The following C9 variants were observed in gnomAD, a reference collection of about 807,000 sequenced individuals.
C9 encodes the protein complement component C9.
Under a neutral mutation model 65.4 loss-of-function variants are expected in C9, and 63 were observed. The observed-to-expected ratio is 0.96, with a 90% CI of 0.79 to 1.19. C9 has a LOEUF of 1.19. Ranked by LOEUF, C9 falls within the 50% of genes most tolerant of loss-of-function variation. The probability of loss-of-function intolerance (pLI) is 0.00; values close to 1 mark genes in which losing one functional copy is unlikely to be tolerated. For synonymous variants in C9, 229 were observed against 227.9 expected (o/e 1.00, Z -0.04); for missense variants, 744 against 670.1 (o/e 1.11, Z -1.22).
intron 1 of C9, among the ~76,000 whole-genome samples, chr5:39,351,343 T>C (rs1013662608): frequency 1.3e-5 from 2 of 152,238 alleles, no homozygotes; most frequent in African/African-American, 4.8e-5. Flanking sequence ...GTCTTGGCTA[T>C]TAACATTTGG....
In C9 at chr5:39,341,644, GT is replaced by G; in HGVS notation, c.239del (p.Asp80AlafsTer34). On this transcript the variant is annotated frameshift_variant, in exon 3 of 11. Transcript: ENST00000263408. LOFTEE classifies it high-confidence loss of function. ...FGQFNGKRCT[D>X]AVGDRRQCVP... ...CACACTGTCGTCTGTCTCCCACAGC[GT>G]CGGTGCATCTTTTCCCATTAAATTG... 6.2e-7 allele frequency: 1 copy of G among 1,613,714 alleles called. No individual in the cohort carries two copies. Among genetic ancestry groups the G allele is most frequent in the South Asian group, 1.1e-5 (1 of 91,068 alleles).
chr5:39,285,408 G>C (rs565504592), intron 10 of C9, among the ~76,000 whole-genome samples, 175 bp from the exon 11 acceptor site: 107 of 152,214 alleles, frequency 7.0e-4, no homozygotes, highest in Middle Eastern at 3.4e-3. Flanking sequence ...TACCAGAAAG[G>C]GCTATTTGTC....
chr5:39,298,291 A>G (rs1753220890), intron 9 of C9, among the ~76,000 whole-genome samples: 1 of 151,610 alleles, frequency 6.6e-6, no homozygotes, highest in Non-Finnish European at 1.5e-5. Context: ...AGTACAAAGC[A>G]TAAGGAAGGA....
At chr5:39,302,314 T>C (rs994128282) in intron 9 of C9, among the ~76,000 whole-genome samples, 3 of 152,128 alleles carry the variant, frequency 2.0e-5, no homozygotes, top group Non-Finnish European at 4.4e-5. Context: ...CTACCATGTG[T>C]TGATATATTT....
intron 8 of C9, among the ~76,000 whole-genome samples, chr5:39,308,026 T>C (rs990918275): frequency 4.6e-5 from 7 of 152,228 alleles, no homozygotes; most frequent in Non-Finnish European, 8.8e-5. Flanking sequence ...AGTTGTGTAC[T>C]GTACAACTGG....
At chr5:39,344,351 T>C (rs1428750563) in intron 1 of C9, among the ~76,000 whole-genome samples, 1 of 152,212 alleles carries the variant, frequency 6.6e-6, no homozygotes, top group African/African-American at 2.4e-5. Context: ...CTGAAAACCA[T>C]GGCACGAGAA....
rs1754022305 is a variant in C9 at position 39,339,202 on chromosome 5, C to T, written c.476+1944G>A. The stretch of plus-strand genomic sequence containing the variant: ...TACTGCCTAAAATTTACTAAGAGGG[C>T]CTGCAGAACTTAGGGGCCTAAGACC... On this transcript the variant is annotated intron_variant, in intron 4 of 10. Transcript: ENST00000263408. 2.0e-5 allele frequency among the ~76,000 whole-genome samples: 3 copies of T among 152,150 alleles called. No individual in the cohort carries two copies. In the South Asian group the frequency reaches 6.2e-4, roughly 31 times the overall value.
intron 1 of C9, among the ~76,000 whole-genome samples, chr5:39,348,678 C>A (rs1478536944): frequency 7.9e-5 from 12 of 152,094 alleles, no homozygotes; most frequent in Non-Finnish European, 1.5e-4. Context: ...TGGGTATATA[C>A]CCAAAGGATT....
intron 5 of C9, among the ~76,000 whole-genome samples, chr5:39,330,078 T>A (rs1186344840): frequency 1.3e-5 from 2 of 152,182 alleles, no homozygotes; most frequent in African/African-American, 4.8e-5. Flanking sequence ...AGTCCACAAT[T>A]CCTATCTTCT....
In C9 at chr5:39,334,547, G is replaced by A. The variant is rs530546204; in HGVS notation, c.477-2733C>T. Among the ~76,000 whole-genome samples, 23 of 130,960 alleles carry A rather than the reference G, an allele frequency of 1.8e-4. 1 individual carries two copies. The highest frequency in any genetic ancestry group is 6.9e-4 in the African/African-American group (16 of 23,040). The allele number at this position is 130,960 out of a possible 152,430, so 85.9% of individuals were successfully genotyped here. On this transcript the variant is annotated intron_variant, in intron 4 of 10. Transcript: ENST00000263408. ...GGGGTCAGCCCCCGCCAGGCCAGCC[G>A]CCCCGTCCGGGAGGGAGGTGGGGGG...
chr5:39,284,929 G>A lies in C9; in HGVS notation c.*270C>T, dbSNP rs1206563035. 1.6e-5 allele frequency: 7 copies of A among 427,518 alleles called. No homozygotes were observed. Among genetic ancestry groups the A allele is most frequent in the East Asian group, 1.1e-4 (3 of 26,384 alleles). 26.5% of individuals were successfully genotyped at this position (427,518 alleles called of 1,614,324 possible). The stretch of plus-strand genomic sequence containing the variant: ...AATTTAATTTTGTTTTTTTTTAGAA[G>A]AGATTGGCATTTTCCGTGGGATAAA... On this transcript the variant is annotated 3_prime_UTR_variant, in exon 11 of 11. Transcript: ENST00000263408.
intron 1 of C9, among the ~76,000 whole-genome samples, chr5:39,358,452 T>C (rs1210683790): frequency 1.3e-5 from 2 of 152,126 alleles, no homozygotes; most frequent in African/African-American, 4.8e-5. Context: ...CAGCTCCACC[T>C]TGTAGGCCAT....
chr5:39,344,659 G>A (rs1375948217), intron 1 of C9, among the ~76,000 whole-genome samples: 1 of 152,088 alleles, frequency 6.6e-6, no homozygotes, highest in African/African-American at 2.4e-5. Flanking sequence ...TCAAGTTCAG[G>A]AAATACAGAG....
chr5:39,285,384 A>G, intron 10 of C9, 151 bp from the exon 11 acceptor site: 1 of 698,484 alleles, frequency 1.4e-6, no homozygotes. Flanking sequence ...TGTAAGGTAC[A>G]AGGCACATTT....
At chr5:39,321,254 T>C (rs1753661803) in intron 5 of C9, among the ~76,000 whole-genome samples, 3 of 152,052 alleles carry the variant, frequency 2.0e-5, no homozygotes, top group African/African-American at 7.2e-5. Context: ...TAAAAAGATG[T>C]TAATTGTGAC....
intron 4 of C9, among the ~76,000 whole-genome samples, chr5:39,333,821 C>T (rs13360841): frequency 0.028 from 4,232 of 151,708 alleles, 183 homozygotes; most frequent in African/African-American, 0.095. Flanking sequence ...GCTGTGTTGG[C>T]CGGGCTGGTC....
At chr5:39,347,838 C>A (rs887909666) in intron 1 of C9, among the ~76,000 whole-genome samples, 1 of 152,104 alleles carries the variant, frequency 6.6e-6, no homozygotes, top group Admixed American at 6.5e-5. Flanking sequence ...ACCAATGGAA[C>A]AGAATGGAGC....
intron 1 of C9, among the ~76,000 whole-genome samples, chr5:39,350,773 A>G (rs969040345): frequency 2.0e-4 from 31 of 152,152 alleles, no homozygotes; most frequent in African/African-American, 7.2e-4. Flanking sequence ...AGCTGCTTTC[A>G]TGGGCTGACA....
intron 1 of C9, among the ~76,000 whole-genome samples, chr5:39,359,100 G>GTATATATATATATATATA (rs1270604293): frequency 8.0e-5 from 7 of 87,796 alleles, no homozygotes; most frequent in East Asian, 2.8e-4. Flanking sequence ...GTGTGTGTGT[G>GTATATATATATATATATA]TGTATATATA....
Sources: allele counts gnomAD v4.1 joint callset (sites outside exome capture counted in the v4.1 genomes callset), GRCh38; gene constraint gnomAD v4.1.1; transcripts MANE v1.5; gene names NCBI Gene and HGNC (gene_info 2026-07-23, HGNC 2026-07-21).